AGBL4: variants seen among roughly 807,000 people sequenced by gnomAD.
AGBL4 encodes AGBL carboxypeptidase 4.
Under a neutral mutation model 66.4 loss-of-function variants are expected in AGBL4, and 58 were observed. That is an observed-to-expected ratio of 0.87 (90% CI 0.71 to 1.09). The LOEUF is 1.09. Ranked by LOEUF, AGBL4 falls within the 50% of genes least tolerant of loss-of-function variation. AGBL4 has a pLI of 0.00. For missense variants in AGBL4, 579 were observed against 631.0 expected, an observed-to-expected ratio of 0.92 and a Z score of 0.88; for synonymous variants, 234 against 222.9, an observed-to-expected ratio of 1.05 and a Z score of -0.44.
intron 2 of AGBL4, among the ~76,000 whole-genome samples, chr1:49,775,669 C>T (rs989515426): frequency 7.9e-5 from 12 of 151,928 alleles, no homozygotes; most frequent in Non-Finnish European, 1.6e-4. Context: ...TCCTTGAGGG[C>T]AAGGACTATG....
rs1362280772 is a variant in AGBL4, at chr1:48,542,323, G to A, written c.1268-2585C>T. On this transcript the variant is annotated intron_variant, in intron 11 of 13. Transcript: ENST00000371839. ...ACATACGTGTGCATGTGTCTTTATA[G>A]TAGAATGATTTATAATCCTTTGGGT... Among the ~76,000 whole-genome samples the A allele has an allele frequency of 2.7e-4, 41 of 152,166 alleles. 1 individual carries two copies. The highest frequency in any genetic ancestry group is 2.7e-3 in the Admixed American group (41 of 15,278).
intron 3 of AGBL4, among the ~76,000 whole-genome samples, chr1:49,356,148 C>T (rs1050395061): frequency 6.6e-6 from 1 of 152,170 alleles, no homozygotes; most frequent in African/African-American, 2.4e-5. Context: ...TTCCAAAGTA[C>T]TCCCCCAAAA....
chr1:49,058,056 A>C (rs1571343101), intron 4 of AGBL4, among the ~76,000 whole-genome samples: 1 of 152,064 alleles, frequency 6.6e-6, no homozygotes, highest in East Asian at 1.9e-4. Flanking sequence ...CATGAGTAAG[A>C]TTTTGCCCAA....
intron 4 of AGBL4, among the ~76,000 whole-genome samples, chr1:49,220,431 C>T (rs1251795828): frequency 6.6e-6 from 1 of 152,116 alleles, no homozygotes; most frequent in Non-Finnish European, 1.5e-5. Context: ...TTGAGATTCA[C>T]GTTCTTCCTT....
At chr1:49,016,352 A>C (rs551183461) in intron 5 of AGBL4, among the ~76,000 whole-genome samples, 1 of 152,312 alleles carries the variant, frequency 6.6e-6, no homozygotes, top group African/African-American at 2.4e-5. Context: ...TGTTTTGATA[A>C]AATAAATCTA....
chr1:49,958,959 A>G (rs1381429134), intron 1 of AGBL4, among the ~76,000 whole-genome samples: 3 of 151,848 alleles, frequency 2.0e-5, no homozygotes, highest in Non-Finnish European at 4.4e-5. Context: ...ACTAAAGACC[A>G]AATGAGAAAG....
chr1:49,083,148 G>C (rs1401442119), intron 4 of AGBL4, among the ~76,000 whole-genome samples: 5 of 152,244 alleles, frequency 3.3e-5, no homozygotes, highest in Middle Eastern at 3.4e-3. Context: ...AGTGTCTACA[G>C]CTTTTCCAGG....
At chr1:49,259,250 A>G (rs1043944704) in intron 3 of AGBL4, among the ~76,000 whole-genome samples, 3 of 152,130 alleles carry the variant, frequency 2.0e-5, no homozygotes, top group African/African-American at 7.2e-5. Flanking sequence ...TGCATCAACT[A>G]ATGAGCAAAA....
At position 49,685,479 on chromosome 1, in the gene AGBL4, C is replaced by T. The variant is rs1238962759; in HGVS notation, c.282+11834G>A. 2.0e-5 allele frequency among the ~76,000 whole-genome samples: 3 copies of T among 152,186 alleles called. No individual in the cohort carries two copies. In the East Asian group the frequency reaches 5.8e-4, roughly 29 times the overall value. On this transcript the variant is annotated intron_variant, in intron 3 of 13. Transcript: ENST00000371839. The stretch of plus-strand genomic sequence containing the variant: ...TCAACTTATTTGAGAAATCTTCAAC[C>T]TGCTTTCCACAATGGCTGGACTAAC...
chr1:48,642,334 T>C (rs1645770564), intron 8 of AGBL4, among the ~76,000 whole-genome samples: 1 of 152,184 alleles, frequency 6.6e-6, no homozygotes, highest in African/African-American at 2.4e-5. Context: ...GAAAAGAGAT[T>C]ATCTCCAACC....
chr1:49,027,569 A>G (rs906016294), intron 5 of AGBL4, among the ~76,000 whole-genome samples: 28 of 152,112 alleles, frequency 1.8e-4, no homozygotes, highest in African/African-American at 5.8e-4. Context: ...GCTGTACTCC[A>G]AGAGTATGCC....
At chr1:49,858,967 G>GACTGCTCC (rs56311455) in intron 1 of AGBL4, among the ~76,000 whole-genome samples, 1 of 151,508 alleles carries the variant, frequency 6.6e-6, no homozygotes, top group Non-Finnish European at 1.5e-5. Context: ...AGCGAGCTGA[G>GACTGCTCC]ACTGCACTCC....
At chr1:49,204,791 C>T (rs1004068993) in intron 4 of AGBL4, among the ~76,000 whole-genome samples, 1 of 152,036 alleles carries the variant, frequency 6.6e-6, no homozygotes, top group African/African-American at 2.4e-5. Context: ...CTCTGAAACC[C>T]CTGCACAGAC....
chr1:49,450,390 A>G (rs1646253232), intron 3 of AGBL4, among the ~76,000 whole-genome samples: 1 of 152,092 alleles, frequency 6.6e-6, no homozygotes, highest in Admixed American at 6.6e-5. Flanking sequence ...CCAATATTTA[A>G]AAGTTGAGCA....
chr1:49,337,710 A>T lies in AGBL4; in HGVS notation c.283-91846T>A, dbSNP rs973103861. Among the ~76,000 whole-genome samples the T allele has an allele frequency of 3.4e-4, 52 of 152,330 alleles. 1 individual carries two copies. The highest frequency in any genetic ancestry group is 1.2e-3 in the African/African-American group (50 of 41,572). On this transcript the variant is annotated intron_variant, in intron 3 of 13. Coordinates refer to ENST00000371839, the MANE Select transcript of AGBL4 (RefSeq NM_032785.4). ...CACCTTCTACATGGCATAGGCTTTCATCTAGCTAGAAACTGGATTATTCAT... is the reference window on the plus strand; with the variant it reads ...CACCTTCTACATGGCATAGGCTTTCTTCTAGCTAGAAACTGGATTATTCAT...
intron 5 of AGBL4, among the ~76,000 whole-genome samples, chr1:48,989,531 T>G (rs1164980247): frequency 6.6e-6 from 1 of 152,096 alleles, no homozygotes; most frequent in Non-Finnish European, 1.5e-5. Flanking sequence ...CCACCAACTA[T>G]CCTTCCAGCC....
intron 3 of AGBL4, among the ~76,000 whole-genome samples, chr1:49,544,457 A>G (rs1331134285): frequency 1.3e-5 from 2 of 152,234 alleles, no homozygotes; most frequent in African/African-American, 4.8e-5. Context: ...GTGTTCTCAC[A>G]TAAATACCGT....
At chr1:49,115,473 C>T (rs957218491) in intron 4 of AGBL4, among the ~76,000 whole-genome samples, 1 of 152,084 alleles carries the variant, frequency 6.6e-6, no homozygotes, top group Non-Finnish European at 1.5e-5. Flanking sequence ...AATCTTAAAA[C>T]TTGTAGATAG....
At chr1:49,906,422 A>C (rs999198458) in intron 1 of AGBL4, among the ~76,000 whole-genome samples, 5 of 151,998 alleles carry the variant, frequency 3.3e-5, no homozygotes, top group African/African-American at 1.2e-4. Flanking sequence ...GGAATAAGTA[A>C]TTTATATTTT....
Sources: gnomAD v4.1 joint callset for allele counts (sites outside exome capture counted in the v4.1 genomes callset) on GRCh38, gnomAD v4.1.1 for gene constraint, MANE v1.5 for transcripts, NCBI Gene and HGNC (gene_info 2026-07-23, HGNC 2026-07-21) for gene names.